PKHD1L1: variants seen among roughly 807,000 people sequenced by gnomAD.
PKHD1L1 encodes the protein fibrocystin-L.
A neutral mutation model predicts 462.9 loss-of-function variants in PKHD1L1; 434 were observed. The ratio of observed to expected loss-of-function variants is 0.94; its 90% CI spans 0.87 to 1.02. The LOEUF is 1.02. Among genes scored for constraint, PKHD1L1 ranks in the 50% least tolerant of loss-of-function variants. The pLI, the probability that PKHD1L1 is intolerant of heterozygous loss-of-function variation, is 0.00. For synonymous variants in PKHD1L1, 1,781 were observed against 1,750.0 expected, an observed-to-expected ratio of 1.02 and a Z score of -0.44; for missense variants, 5,202 against 5,096.1, an observed-to-expected ratio of 1.02 and a Z score of -0.63.
chr8:109,479,834 C>G (rs1818182885), intron 54 of PKHD1L1, among the ~76,000 whole-genome samples, 157 bp from the exon 55 acceptor site: 1 of 152,008 alleles, frequency 6.6e-6, no homozygotes, highest in African/African-American at 2.4e-5. Context: ...CATTAATTAA[C>G]AAGAGCAGAT....
chr8:109,391,876 C>T (rs993546525), intron 9 of PKHD1L1, among the ~76,000 whole-genome samples: 3 of 152,178 alleles, frequency 2.0e-5, no homozygotes, highest in Non-Finnish European at 2.9e-5. Flanking sequence ...TACTTCTAGA[C>T]ACCTAGAGGC....
At chr8:109,470,765 A>G in intron 50 of PKHD1L1, 17 of 1,538,246 alleles carry the variant, frequency 1.1e-5, no homozygotes, top group Non-Finnish European at 1.5e-5. Context: ...GGTAGGGAGG[A>G]CTGTTTTTTC....
At position 109,438,943 on chromosome 8, in the gene PKHD1L1, C is replaced by T. The variant is rs1253670454; in HGVS notation, c.3807C>T (p.Leu1269=). The T allele has an allele frequency of 4.3e-6, 7 of 1,612,826 alleles. No homozygotes were observed. In the African/African-American group the frequency reaches 9.4e-5, roughly 22 times the overall value. ...AGGGCTATAATTTTGGAAATGAACT[C>T]ACACAAAACATGGCGGTGTATGTTG... is the stretch of plus-strand genomic sequence containing the variant. The part of the protein sequence containing the change: ...TIKGYNFGNE[L]TQNMAVYVGG... Residue 1269 remains leucine (L), a synonymous_variant, in exon 32 of 78, where the codon CTC becomes CTT. Transcript: ENST00000378402.
At position 109,426,738 on chromosome 8, in the gene PKHD1L1, C is replaced by T. The variant is rs531749026; in HGVS notation, c.2846-264C>T. Among the ~76,000 whole-genome samples the T allele has an allele frequency of 9.9e-5, 15 of 152,270 alleles. No homozygotes were observed. The East Asian group carries it at 1.4e-3, about 14-fold the overall frequency. ...GCACGATCTTGGACACTACAACCTC[C>T]GCCTTCCGGGTTCAAGTGGTTCTCC... On this transcript the variant is annotated intron_variant, in intron 24 of 77. Transcript: ENST00000378402.
intron 32 of PKHD1L1, 90 bp downstream of exon 32, chr8:109,439,182 G>C: frequency 8.4e-7 from 1 of 1,192,630 alleles, no homozygotes; most frequent in Non-Finnish European, 1.2e-6. Flanking sequence ...TTAAGCTTTA[G>C]GTGTTAATTG....
intron 72 of PKHD1L1, among the ~76,000 whole-genome samples, 152 bp from the exon 73 acceptor site, chr8:109,518,015 T>A (rs889563595): frequency 6.6e-6 from 1 of 152,136 alleles, no homozygotes; most frequent in Non-Finnish European, 1.5e-5. Context: ...TCTATAAGTG[T>A]TTTTGTTTTT....
Position 109,384,105 on chromosome 8 carries a change from C to T in PKHD1L1, c.453C>T (p.Ile151=). The part of the protein sequence containing the change: ...KSFRTPTIRS[I]TPLSGTPGTL... Reference sequence around the variant, plus strand: ...TTAGAACCCCAACAATAAGAAGCATCACACCTTTATCTGGAACTCCAGGTC... The same window carrying T: ...TTAGAACCCCAACAATAAGAAGCATTACACCTTTATCTGGAACTCCAGGTC... Residue 151 remains isoleucine, a synonymous_variant, in exon 5 of 78, where the codon ATC becomes ATT. Transcript: ENST00000378402. 1.9e-6 allele frequency: 3 copies of T among 1,611,202 alleles called. 1 individual carries two copies. The South Asian group carries it at 3.3e-5, about 18-fold the overall frequency.
chr8:109,461,890 G>A lies in PKHD1L1; in HGVS notation c.7365G>A (p.Gly2455=). Residue 2455 remains glycine (G), a synonymous_variant, in exon 48 of 78, where the codon GGG becomes GGA. Coordinates refer to ENST00000378402, the MANE Select transcript of PKHD1L1 (RefSeq NM_177531.6). ...APVPGANMVT[G]RIEYVEVFHA... ...TACCTGGTGCTAACATGGTAACTGG[G>A]AGAATAGAATATGTAGAGGTGAGAG... The A allele has an allele frequency of 1.2e-6, 2 of 1,602,282 alleles. No homozygotes were observed. Among genetic ancestry groups the A allele is most frequent in the East Asian group, 2.2e-5 (1 of 44,572 alleles).
intron 25 of PKHD1L1, among the ~76,000 whole-genome samples, chr8:109,428,368 A>G (rs1814893946): frequency 6.6e-6 from 1 of 152,194 alleles, no homozygotes; most frequent in Non-Finnish European, 1.5e-5. Flanking sequence ...AGACCCACAT[A>G]TATTTACCTG....
chr8:109,381,339 T>C (rs1812101492), intron 2 of PKHD1L1, 31 bp from the exon 3 acceptor site: 1 of 1,516,996 alleles, frequency 6.6e-7, no homozygotes, highest in East Asian at 2.5e-5. Flanking sequence ...AGAATACCAT[T>C]AATAATAATT....
chr8:109,447,504 C>T (rs1264153081), intron 38 of PKHD1L1, among the ~76,000 whole-genome samples: 1 of 152,112 alleles, frequency 6.6e-6, no homozygotes, highest in African/African-American at 2.4e-5. Context: ...ATGCCCTTCA[C>T]GTACATTTGT....
chr8:109,422,024 A>G (rs1421671464), intron 23 of PKHD1L1, among the ~76,000 whole-genome samples: 1 of 152,236 alleles, frequency 6.6e-6, no homozygotes, highest in Non-Finnish European at 1.5e-5. Flanking sequence ...TGTATAGATC[A>G]ATAAATTGTT....
At chr8:109,377,205 CTG>C in intron 2 of PKHD1L1, among the ~76,000 whole-genome samples, 1 of 152,130 alleles carries the variant, frequency 6.6e-6, no homozygotes, top group African/African-American at 2.4e-5. Context: ...ATTTTGAAAA[CTG>C]CTAACATTGT....
chr8:109,455,357 A>C (rs1816760243), intron 45 of PKHD1L1, among the ~76,000 whole-genome samples: 1 of 152,138 alleles, frequency 6.6e-6, no homozygotes, highest in South Asian at 2.1e-4. Flanking sequence ...AAAACAAAAC[A>C]AACAAACAAA....
rs774850869 is a variant in PKHD1L1, at chr8:109,504,503, T to C, written c.10994+11T>C. ...TAGGCCTGATATAAGGTAAAATACA[T>C]AAAAATTGTGGTTTTTCTATCTTTA... On this transcript the variant is annotated intron_variant, in intron 68 of 77. Coordinates refer to ENST00000378402, the MANE Select transcript of PKHD1L1 (RefSeq NM_177531.6). 7.0e-7 allele frequency: 1 copy of C among 1,432,098 alleles called. No homozygotes were observed. Among genetic ancestry groups the C allele is most frequent in the Non-Finnish European group, 9.3e-7 (1 of 1,075,036 alleles). 88.7% of individuals were successfully genotyped at this position (1,432,098 alleles called of 1,614,324 possible).
rs915130426 is a variant in PKHD1L1 at position 109,481,541 on chromosome 8, A to G, written c.9436A>G (p.Asn3146Asp). 5 of 1,595,456 alleles carry G rather than the reference A, an allele frequency of 3.1e-6. No homozygotes were observed. In the African/African-American group the frequency reaches 5.4e-5, roughly 17 times the overall value. Residue 3146 changes from asparagine to aspartate, a missense_variant, in exon 56 of 78, where the codon AAT becomes GAT. By Grantham distance (23) the Asn-to-Asp change is conservative. Transcript: ENST00000378402. ...TQDWALPEGP[N>D]QGAKVLGVFG... Reference sequence around the variant, plus strand: ...AGACTGGGCTCTTCCAGAAGGACCAAATCAAGGGGCAAAGGTCTTAGGTGT... The same window carrying G: ...AGACTGGGCTCTTCCAGAAGGACCAGATCAAGGGGCAAAGGTCTTAGGTGT...
intron 2 of PKHD1L1, among the ~76,000 whole-genome samples, chr8:109,375,107 G>T (rs1156947348): frequency 6.6e-6 from 1 of 151,952 alleles, no homozygotes; most frequent in Non-Finnish European, 1.5e-5. Context: ...TTCCAACTTG[G>T]TTCCATTCTC....
intron 43 of PKHD1L1, 23 bp downstream of exon 43, chr8:109,452,897 A>G: frequency 2.2e-6 from 3 of 1,352,042 alleles, no homozygotes; most frequent in South Asian, 2.0e-5. Context: ...ATATCTGTTC[A>G]TTGGACTCTG....
rs192018434 is a variant in PKHD1L1, at chr8:109,451,983, A to G, written c.6351-141A>G. 13 of 670,166 alleles carry G rather than the reference A, an allele frequency of 1.9e-5. No homozygotes were observed. In the Admixed American group the frequency reaches 4.5e-4, roughly 23 times the overall value. 41.5% of individuals were successfully genotyped at this position (670,166 alleles called of 1,614,324 possible). On this transcript the variant is annotated intron_variant, in intron 41 of 77. Transcript: ENST00000378402. ...TATTTTGAAGTCTTAATATTGAAAAAAAGCATCAATCTACACTTTGGTGGC... is the reference window on the plus strand; with the variant it reads ...TATTTTGAAGTCTTAATATTGAAAAGAAGCATCAATCTACACTTTGGTGGC...
Sources: allele counts gnomAD v4.1 joint callset (sites outside exome capture counted in the v4.1 genomes callset), GRCh38; gene constraint gnomAD v4.1.1; transcripts MANE v1.5; gene names NCBI Gene and HGNC (gene_info 2026-07-23, HGNC 2026-07-21).